Variants in FAM131C observed in about 807,000 individuals in gnomAD.
FAM131C encodes the protein protein FAM131C.
FAM131C carries 14 observed loss-of-function variants against 29.8 expected under a neutral mutation model. The observed-to-expected ratio is 0.47, with a 90% confidence interval of 0.31 to 0.73. The LOEUF is 0.73. FAM131C is among the 30% of genes least tolerant of loss of function. The probability of loss-of-function intolerance (pLI) is 0.05; values close to 1 mark genes in which losing one functional copy is unlikely to be tolerated. For synonymous variants in FAM131C, 86 were observed against 157.8 expected, an observed-to-expected ratio of 0.54 and a Z score of 3.41; for missense variants, 252 against 383.8, an observed-to-expected ratio of 0.66 and a Z score of 2.87.
chr1:16,073,280 C>A (rs964683551), intron 1 of FAM131C, 141 bp downstream of exon 1: 9 of 398,630 alleles, frequency 2.3e-5, no homozygotes, highest in African/African-American at 1.5e-4. Context: ...GCTCTGTCCC[C>A]CTCAGGACGC....
chr1:16,073,432 C>T lies in FAM131C; in HGVS notation c.11G>A (p.Cys4Tyr). Residue 4 changes from cysteine to tyrosine, a missense_variant, in exon 1 of 7, where the codon TGC (cysteine) becomes TAC (tyrosine). Transcript: ENST00000375662. MGS[C>Y]VSRDLFTSAH... ...CCGGGCCCCCTCACCTCGCGACACG[C>T]AGGAGCCCATCACGGGGCCGCGGGG... The T allele has an allele frequency of 5.0e-6, 6 of 1,211,970 alleles. No individual in the cohort carries two copies. Among genetic ancestry groups the T allele is most frequent in the Non-Finnish European group, 6.2e-6 (6 of 974,822 alleles). 75.1% of individuals were successfully genotyped at this position (1,211,970 alleles called of 1,614,324 possible). A position where few individuals can be genotyped will look rare whatever the true frequency, so the allele number is the denominator to read the frequency against.
intron 2 of FAM131C, among the ~76,000 whole-genome samples, 188 bp downstream of exon 2, chr1:16,063,333 C>CCCTGGATGCTCAGTCCAGTCCAGCT (rs1245584825): frequency 7.1e-6 from 1 of 141,366 alleles, no homozygotes; most frequent in South Asian, 2.1e-4. Flanking sequence ...CTGGTCCAGT[C>CCCTGGATGCTCAGTCCAGTCCAGCT]CCTGGATGCT....
chr1:16,070,515 G>A (rs1332670075), intron 1 of FAM131C, among the ~76,000 whole-genome samples: 2 of 152,170 alleles, frequency 1.3e-5, no homozygotes, highest in African/African-American at 4.8e-5. Flanking sequence ...TTAAAGGCCG[G>A]GTGCAGTGGC....
At chr1:16,069,876 C>G (rs933615529) in intron 1 of FAM131C, among the ~76,000 whole-genome samples, 7 of 152,194 alleles carry the variant, frequency 4.6e-5, no homozygotes, top group African/African-American at 1.7e-4. Flanking sequence ...ATCCTCCTGC[C>G]TCAGCCTCCC....
At chr1:16,061,591 G>A (rs916943708) in intron 4 of FAM131C, among the ~76,000 whole-genome samples, 1 of 152,184 alleles carries the variant, frequency 6.6e-6, no homozygotes, top group African/African-American at 2.4e-5. Context: ...CAGCCCCCTT[G>A]CCTTGGGGTG....
rs1557478304 is a variant in FAM131C, at chr1:16,062,083, T to C, written c.268+16A>G. On this transcript the variant is annotated intron_variant, in intron 4 of 6. Transcript: ENST00000375662. ...GTGCATTCTCCACCGGCAGGAGAGTTGCGGCCAGAACCTACCCACAAGGGA... is the reference window on the plus strand; with the variant it reads ...GTGCATTCTCCACCGGCAGGAGAGTCGCGGCCAGAACCTACCCACAAGGGA... The C allele has an allele frequency of 6.2e-7, 1 of 1,609,830 alleles. No homozygotes were observed. Among genetic ancestry groups the C allele is most frequent in the East Asian group, 2.2e-5 (1 of 44,868 alleles).
At chr1:16,067,238 G>A (rs2023693570) in intron 1 of FAM131C, among the ~76,000 whole-genome samples, 1 of 152,170 alleles carries the variant, frequency 6.6e-6, no homozygotes, top group African/African-American at 2.4e-5. Flanking sequence ...TCACAGGCTG[G>A]TTGCCATGGG....
intron 6 of FAM131C, 57 bp from the exon 7 acceptor site, chr1:16,058,774 C>T (rs2023537118): frequency 1.4e-6 from 2 of 1,430,294 alleles, no homozygotes; most frequent in Non-Finnish European, 1.9e-6. Context: ...TCCTCGCCCT[C>T]TCTGGGGGTG....
At chr1:16,065,777 C>G (rs558078292) in intron 1 of FAM131C, among the ~76,000 whole-genome samples, 3 of 152,340 alleles carry the variant, frequency 2.0e-5, no homozygotes, top group African/African-American at 7.2e-5. Flanking sequence ...ATCCTCCTCT[C>G]GCTCCATTCC....
At chr1:16,067,808 A>C (rs1434507015) in intron 1 of FAM131C, among the ~76,000 whole-genome samples, 1 of 152,066 alleles carries the variant, frequency 6.6e-6, no homozygotes, top group Non-Finnish European at 1.5e-5. Context: ...TCTGCAGCAC[A>C]ACCCCTCAGG....
At chr1:16,069,737 T>G (rs2023729166) in intron 1 of FAM131C, among the ~76,000 whole-genome samples, 1 of 152,220 alleles carries the variant, frequency 6.6e-6, no homozygotes, top group South Asian at 2.1e-4. Flanking sequence ...TCCAAGAGGT[T>G]GTTTTTCTAA....
chr1:16,058,996 C>A (rs2023541322), intron 6 of FAM131C, among the ~76,000 whole-genome samples: 1 of 152,100 alleles, frequency 6.6e-6, no homozygotes. Context: ...CTCCCCGTCC[C>A]TCTTGGGGCA....
chr1:16,072,290 A>G (rs1363991062), intron 1 of FAM131C, among the ~76,000 whole-genome samples: 2 of 152,094 alleles, frequency 1.3e-5, no homozygotes, highest in African/African-American at 4.8e-5. Flanking sequence ...TGAGCCACTT[A>G]CCTGAATGCC....
In FAM131C at chr1:16,057,843, G is replaced by T; in HGVS notation, c.*594C>A. On this transcript the variant is annotated 3_prime_UTR_variant, in exon 7 of 7. Coordinates refer to ENST00000375662, the MANE Select transcript of FAM131C (RefSeq NM_182623.3). Reference sequence around the variant, plus strand: ...TGGGAGGGAGCCGCAAGGAGGGGGAGTGGGCTCCCAGGGGTGAGGAGCAGG... The same window carrying T: ...TGGGAGGGAGCCGCAAGGAGGGGGATTGGGCTCCCAGGGGTGAGGAGCAGG... The T allele has an allele frequency of 6.1e-6, 1 of 163,218 alleles. No homozygotes were observed. The highest frequency in any genetic ancestry group is 5.9e-5 in the Admixed American group (1 of 16,954). The allele number at this position is 163,218 out of a possible 1,614,324, so 10.1% of individuals were successfully genotyped here.
At chr1:16,063,947 C>A (rs1216728168) in intron 1 of FAM131C, among the ~76,000 whole-genome samples, 1 of 152,112 alleles carries the variant, frequency 6.6e-6, no homozygotes, top group Admixed American at 6.6e-5. Flanking sequence ...CAGACTAGAT[C>A]CTCCCGTCCT....
intron 2 of FAM131C, 34 bp downstream of exon 2, chr1:16,063,487 G>T (rs201703064): frequency 9.2e-6 from 14 of 1,518,016 alleles, no homozygotes; most frequent in Non-Finnish European, 1.3e-5. Context: ...GAACCGGGGC[G>T]CAGGTAGCAC....
intron 1 of FAM131C, among the ~76,000 whole-genome samples, chr1:16,070,876 G>A (rs764543811): frequency 6.6e-6 from 1 of 152,194 alleles, no homozygotes; most frequent in East Asian, 1.9e-4. Context: ...GCCCTGCTTC[G>A]TATTCTGCAC....
At position 16,073,479 on chromosome 1, in the gene FAM131C, G is replaced by A. The variant is rs1279378847; in HGVS notation, c.-37C>T. On this transcript the variant is annotated 5_prime_UTR_variant, in exon 1 of 7. Coordinates refer to ENST00000375662, the MANE Select transcript of FAM131C (RefSeq NM_182623.3). The stretch of plus-strand genomic sequence containing the variant: ...GGGGCCGGGCCGCTGCGCCCGGGGT[G>A]CGTGGGGCCGCGGGGCGTTCATGTC... 2 of 1,178,874 alleles carry A rather than the reference G, an allele frequency of 1.7e-6. No homozygotes were observed. The highest frequency in any genetic ancestry group is 2.1e-6 in the Non-Finnish European group (2 of 949,590). The allele number at this position is 1,178,874 out of a possible 1,614,324, so 73.0% of individuals were successfully genotyped here.
At chr1:16,073,106 C>G (rs565282099) in intron 1 of FAM131C, among the ~76,000 whole-genome samples, 1 of 152,214 alleles carries the variant, frequency 6.6e-6, no homozygotes. Flanking sequence ...AGAACCAGAG[C>G]TGGTTCCCAG....
Sources: allele counts gnomAD v4.1 joint callset (sites outside exome capture counted in the v4.1 genomes callset), GRCh38; gene constraint gnomAD v4.1.1; transcripts MANE v1.5; gene names NCBI Gene and HGNC (gene_info 2026-07-23, HGNC 2026-07-21).